PAX7: variants seen among roughly 807,000 people sequenced by gnomAD.
PAX7 encodes the protein paired box 7.
In PAX7, 18 loss-of-function variants were observed where a neutral mutation model predicts 50.7. The observed-to-expected ratio is 0.36, with a 90% CI of 0.25 to 0.53. The LOEUF is 0.53. Ranked by LOEUF, PAX7 falls within the 20% of genes least tolerant of loss-of-function variation. PAX7 has a pLI of 0.93. For synonymous variants in PAX7, 310 were observed against 290.4 expected (o/e 1.07, Z -0.69); for missense variants, 644 against 702.9 (o/e 0.92, Z 0.95).
intron 4 of PAX7, among the ~76,000 whole-genome samples, chr1:18,665,794 C>G (rs2088660582): frequency 6.6e-6 from 1 of 151,982 alleles, no homozygotes; most frequent in Admixed American, 6.5e-5. Context: ...CTCAGCCTCC[C>G]CAGTAGCTGG....
intron 7 of PAX7, among the ~76,000 whole-genome samples, chr1:18,710,960 C>G (rs951683094): frequency 6.6e-6 from 1 of 152,192 alleles, no homozygotes; most frequent in Non-Finnish European, 1.5e-5. Flanking sequence ...GGGGCTTTAA[C>G]CCCAGCTGCG....
chr1:18,744,441 TGG>T, intron 8 of PAX7, among the ~76,000 whole-genome samples: 2 of 145,200 alleles, frequency 1.4e-5, no homozygotes, highest in African/African-American at 2.6e-5. Context: ...GATGGATGGA[TGG>T]ATGGATGGAT....
chr1:18,725,440 T>TC (rs1468357291), intron 7 of PAX7, among the ~76,000 whole-genome samples: 13 of 151,298 alleles, frequency 8.6e-5, no homozygotes, highest in Non-Finnish European at 1.9e-4. Context: ...CTGCCCCTCC[T>TC]CCCCTCAGCT....
chr1:18,736,096 T>A, intron 8 of PAX7: 1 of 757,592 alleles, frequency 1.3e-6, no homozygotes, highest in Non-Finnish European at 2.2e-6. Context: ...TCTGCTTCCG[T>A]ACTATGGCTC....
intron 4 of PAX7, among the ~76,000 whole-genome samples, chr1:18,640,910 C>G (rs559533513): frequency 6.6e-6 from 1 of 151,782 alleles, no homozygotes; most frequent in Non-Finnish European, 1.5e-5. Context: ...GGAGGGGGCT[C>G]CCGGCGGAGG....
intron 7 of PAX7, among the ~76,000 whole-genome samples, chr1:18,734,660 A>T (rs144075911): frequency 4.3e-4 from 65 of 152,186 alleles, no homozygotes; most frequent in Non-Finnish European, 6.0e-4. Context: ...GTGTCCTTTG[A>T]TAGATAAGAT....
At chr1:18,679,633 C>T (rs1009054098) in intron 4 of PAX7, among the ~76,000 whole-genome samples, 1 of 152,204 alleles carries the variant, frequency 6.6e-6, no homozygotes, top group Non-Finnish European at 1.5e-5. Context: ...CTGAGACCAC[C>T]TGGCCCCCTC....
intron 4 of PAX7, among the ~76,000 whole-genome samples, chr1:18,679,466 C>A (rs1380842986): frequency 1.3e-5 from 2 of 152,190 alleles, no homozygotes; most frequent in Non-Finnish European, 2.9e-5. Context: ...CCATGCCGGG[C>A]AGCTTCATCT....
chr1:18,642,479 AG>A (rs901997384), intron 4 of PAX7, among the ~76,000 whole-genome samples: 16 of 152,278 alleles, frequency 1.1e-4, no homozygotes, highest in African/African-American at 3.6e-4. Flanking sequence ...GCCATGACTA[AG>A]GGGGGAGGAC....
intron 7 of PAX7, among the ~76,000 whole-genome samples, chr1:18,734,169 C>T (rs577114890): frequency 3.1e-4 from 47 of 152,270 alleles, no homozygotes; most frequent in African/African-American, 1.1e-3. Flanking sequence ...GATCACTGCT[C>T]GAATGCCCGC....
chr1:18,640,355 A>T (rs1378732642), intron 4 of PAX7, among the ~76,000 whole-genome samples: 1 of 152,034 alleles, frequency 6.6e-6, no homozygotes, highest in Non-Finnish European at 1.5e-5. Context: ...AAATTTAATT[A>T]GGCTCCGGGG....
intron 4 of PAX7, among the ~76,000 whole-genome samples, chr1:18,648,186 C>T (rs1479228484): frequency 6.6e-6 from 1 of 152,024 alleles, no homozygotes; most frequent in Non-Finnish European, 1.5e-5. Flanking sequence ...CAGGCTCCTA[C>T]CTGACTGGCC....
intron 4 of PAX7, among the ~76,000 whole-genome samples, chr1:18,652,731 T>TTAG (rs2088452853): frequency 6.6e-6 from 1 of 152,166 alleles, no homozygotes; most frequent in African/African-American, 2.4e-5. Context: ...AAGAAGCCCA[T>TTAG]TAGTAGATAC....
intron 4 of PAX7, among the ~76,000 whole-genome samples, chr1:18,652,901 C>G (rs1039883263): frequency 1.3e-5 from 2 of 152,192 alleles, no homozygotes; most frequent in African/African-American, 4.8e-5. Flanking sequence ...AGCCATGCCC[C>G]GTGGGTATCT....
intron 4 of PAX7, among the ~76,000 whole-genome samples, chr1:18,670,739 G>A (rs1214110648): frequency 2.0e-5 from 3 of 152,170 alleles, no homozygotes; most frequent in South Asian, 2.1e-4. Flanking sequence ...GCAGGCCATG[G>A]AGACGACAGC....
rs372066375 is a variant in PAX7, at chr1:18,688,682, C to A, written c.587-3072C>A. Among the ~76,000 whole-genome samples the A allele has an allele frequency of 2.5e-3, 377 of 152,268 alleles. 3 individuals are homozygous for A. The South Asian group carries it at 0.029, about 12-fold the overall frequency. On this transcript the variant is annotated intron_variant, in intron 4 of 8. Coordinates refer to ENST00000420770, the MANE Select transcript of PAX7 (RefSeq NM_001135254.2). Reference sequence around the variant, plus strand: ...TTGGGAGGCCGAAGCAGGCGGATCACCTGAGGTCAGGAGTTCAAGACCAGA... The same window carrying A: ...TTGGGAGGCCGAAGCAGGCGGATCAACTGAGGTCAGGAGTTCAAGACCAGA...
rs1570115122 is a variant in PAX7, at chr1:18,645,226, T to C, written c.586+8855T>C. ...GGCAGCCAGCCCCCAAGCTGACCTC[T>C]GGAGTGGCCCGCGTCGGCGGGCTGG... On this transcript the variant is annotated intron_variant, in intron 4 of 8. Coordinates refer to ENST00000420770, the MANE Select transcript of PAX7 (RefSeq NM_001135254.2). 5.3e-5 allele frequency among the ~76,000 whole-genome samples: 8 copies of C among 152,322 alleles called. 1 individual carries two copies. The highest frequency in any genetic ancestry group is 5.2e-4 in the Admixed American group (8 of 15,300).
At chr1:18,689,639 G>T (rs1191140383) in intron 4 of PAX7, among the ~76,000 whole-genome samples, 2 of 152,214 alleles carry the variant, frequency 1.3e-5, no homozygotes, top group Non-Finnish European at 2.9e-5. Flanking sequence ...GGAAGGAAGT[G>T]GGCCCAGGGC....
chr1:18,667,692 C>T (rs1403754354), intron 4 of PAX7, among the ~76,000 whole-genome samples: 1 of 152,118 alleles, frequency 6.6e-6, no homozygotes, highest in South Asian at 2.1e-4. Context: ...AAGAACTCTA[C>T]AAATGTGGTA....
Sources: gnomAD v4.1 joint callset for allele counts (sites outside exome capture counted in the v4.1 genomes callset) on GRCh38, gnomAD v4.1.1 for gene constraint, MANE v1.5 for transcripts, NCBI Gene and HGNC (gene_info 2026-07-23, HGNC 2026-07-21) for gene names.